ODF2: variants seen among roughly 807,000 people sequenced by gnomAD.
ODF2 encodes the protein outer dense fiber protein 2.
In ODF2, 47 loss-of-function variants were observed where a neutral mutation model predicts 110.2. The ratio of observed to expected loss-of-function variants is 0.43; its 90% CI spans 0.34 to 0.54. The LOEUF (loss-of-function observed/expected upper bound fraction) is 0.54, where lower values mean the gene tolerates loss of function less well. Ranked by LOEUF, ODF2 falls within the 20% of genes least tolerant of loss-of-function variation. The pLI is 0.03. For synonymous variants in ODF2, 352 were observed against 397.7 expected, an observed-to-expected ratio of 0.89 and a Z score of 1.37; for missense variants, 812 against 1,054.5, an observed-to-expected ratio of 0.77 and a Z score of 3.19.
At chr9:128,458,327 G>A (rs778163478) in intron 2 of ODF2, among the ~76,000 whole-genome samples, 3 of 152,120 alleles carry the variant, frequency 2.0e-5, no homozygotes, top group Non-Finnish European at 2.9e-5. Flanking sequence ...GGTGGCACAC[G>A]CCTGTAATCC....
chr9:128,481,630 G>A (rs150687097), exon 9 of ODF2: 58 of 1,613,804 alleles, frequency 3.6e-5, no homozygotes, highest in African/African-American at 5.3e-5. Flanking sequence ...AACGGCTGGC[G>A]GAGGCCGACT....
intron 2 of ODF2, among the ~76,000 whole-genome samples, chr9:128,458,197 A>G (rs1437193605): frequency 6.6e-6 from 1 of 152,068 alleles, no homozygotes; most frequent in Non-Finnish European, 1.5e-5. Flanking sequence ...ATGCCTGTGC[A>G]ATCCTAGCAC....
upstream of ODF2, chr9:128,455,473 G>C (rs1308348160): frequency 7.8e-6 from 2 of 258,038 alleles, no homozygotes; most frequent in Non-Finnish European, 1.5e-5. Flanking sequence ...AGAATGGCGT[G>C]AACCCGGGAG....
At chr9:128,484,910 T>C (rs754764137) in intron 12 of ODF2, 24 bp downstream of exon 12, 7 of 1,606,202 alleles carry the variant, frequency 4.4e-6, no homozygotes, top group South Asian at 3.3e-5. Flanking sequence ...GGTGCCCAGC[T>C]CCTCACCTGC....
chr9:128,457,426 C>A (rs752576319), exon 2 of ODF2: 1 of 1,611,816 alleles, frequency 6.2e-7, no homozygotes. Context: ...CATCCTCAGG[C>A]GGCTCCCCCA....
At chr9:128,493,487 A>G in intron 16 of ODF2, among the ~76,000 whole-genome samples, 1 of 152,348 alleles carries the variant, frequency 6.6e-6, no homozygotes, top group African/African-American at 2.4e-5. Flanking sequence ...ATTTCATTCT[A>G]TATGGTGTCC....
At chr9:128,482,575 G>A (rs1245246238) in intron 9 of ODF2, among the ~76,000 whole-genome samples, 2 of 152,080 alleles carry the variant, frequency 1.3e-5, no homozygotes, top group African/African-American at 2.4e-5. Flanking sequence ...TTTTTGGTGT[G>A]TTCTCAATGT....
At chr9:128,456,074 G>A (rs553711628), upstream of ODF2, 7 of 1,523,884 alleles carry the variant, frequency 4.6e-6, no homozygotes, top group African/African-American at 1.4e-5. Flanking sequence ...CGGCTCCCGG[G>A]GGGGTTTGAA....
chr9:128,480,728 A>G (rs1338884507), intron 8 of ODF2, among the ~76,000 whole-genome samples: 1 of 152,160 alleles, frequency 6.6e-6, no homozygotes, highest in Non-Finnish European at 1.5e-5. Context: ...GAGGCAGGAG[A>G]ATCGCTTGAA....
chr9:128,471,030 C>A (rs937726956), intron 5 of ODF2, among the ~76,000 whole-genome samples: 1 of 151,992 alleles, frequency 6.6e-6, no homozygotes, highest in Non-Finnish European at 1.5e-5. Flanking sequence ...TCTCTTGCTT[C>A]AGCTTCCAGA....
chr9:128,495,382 T>C (rs1367035791), intron 17 of ODF2, among the ~76,000 whole-genome samples: 1 of 152,228 alleles, frequency 6.6e-6, no homozygotes, highest in Non-Finnish European at 1.5e-5. Context: ...AGAGGAGAAG[T>C]AATTCCCCAC....
chr9:128,457,927 CTA>C (rs374567802), intron 2 of ODF2, among the ~76,000 whole-genome samples: 2,688 of 137,546 alleles, frequency 0.02, 70 homozygotes, highest in African/African-American at 0.06. Context: ...CAGTAGAGGT[CTA>C]TATATATATA....
chr9:128,495,740 C>T (rs1035955439), intron 17 of ODF2, among the ~76,000 whole-genome samples: 1 of 152,210 alleles, frequency 6.6e-6, no homozygotes, highest in African/African-American at 2.4e-5. Flanking sequence ...TTTCTGCCTT[C>T]TCATGTCTGT....
At position 128,483,084 on chromosome 9, in the gene ODF2, C is replaced by T. The variant is rs550303477; in HGVS notation, c.987+197C>T. Among the ~76,000 whole-genome samples the T allele has an allele frequency of 3.9e-5, 6 of 152,060 alleles. No homozygotes were observed. In the East Asian group the frequency reaches 5.8e-4, roughly 15 times the overall value. On this transcript the variant is annotated intron_variant, in intron 10 of 20. Coordinates refer to ENST00000604420, the Ensembl canonical transcript of ODF2. ...CTAATTTTTGTATTTTTAGTAGAGA[C>T]GGGGTTTCACCATGTTGGCCAGGAT...
rs561709881 is a variant in ODF2 at position 128,456,177 on chromosome 9, G to T, written c.-287G>T. 6.6e-4 allele frequency: 1,016 copies of T among 1,549,338 alleles called. 15 individuals are homozygous for T. In the South Asian group the frequency reaches 0.011, roughly 16 times the overall value. Reference sequence around the variant, plus strand: ...AGAGCCAGACTGCATCCGCCGCGGCGTCTCCATGGCACGACCCTGGCCTCC... The same window carrying T: ...AGAGCCAGACTGCATCCGCCGCGGCTTCTCCATGGCACGACCCTGGCCTCC... On this transcript the variant is annotated 5_prime_UTR_variant, in exon 1 of 21. Transcript: ENST00000604420.
rs114425802 is a variant in ODF2 at position 128,460,831 on chromosome 9, G to T, written c.124-111G>T. On this transcript the variant is annotated intron_variant, in intron 3 of 20. Coordinates refer to ENST00000604420, the Ensembl canonical transcript of ODF2. ...GCAGGCCTGTCATCCAGGAGCAACAGCAGTAACATTAGTCAGAAGAGGCAC... is the reference window on the plus strand; with the variant it reads ...GCAGGCCTGTCATCCAGGAGCAACATCAGTAACATTAGTCAGAAGAGGCAC... The T allele has an allele frequency of 5.4e-5, 82 of 1,527,986 alleles. No homozygotes were observed. The African/African-American group carries it at 1.1e-3, about 20-fold the overall frequency. 94.7% of individuals were successfully genotyped at this position (1,527,986 alleles called of 1,614,324 possible). A position where few individuals can be genotyped will look rare whatever the true frequency, so the allele number is the denominator to read the frequency against.
chr9:128,499,805 T>C (rs1846257262), intron 20 of ODF2, among the ~76,000 whole-genome samples: 2 of 152,156 alleles, frequency 1.3e-5, no homozygotes, highest in South Asian at 4.1e-4. Context: ...AGATAGAGTC[T>C]CACTATGTTG....
At position 128,470,024 on chromosome 9, in the gene ODF2, T is replaced by A. The variant is rs1380260278; in HGVS notation, c.420+671T>A. Among the ~76,000 whole-genome samples the A allele has an allele frequency of 2.4e-3, 102 of 42,248 alleles. 1 individual carries two copies. Among genetic ancestry groups the A allele is most frequent in the Non-Finnish European group, 3.5e-3 (83 of 23,510 alleles). The allele number at this position is 42,248 out of a possible 152,430, so 27.7% of individuals were successfully genotyped here. A position where few individuals can be genotyped will look rare whatever the true frequency, so the allele number is the denominator to read the frequency against. On this transcript the variant is annotated intron_variant, in intron 5 of 20. Coordinates refer to ENST00000604420, the Ensembl canonical transcript of ODF2. ...AAAAAAAAAAAAAAAAAAAAATATATATATATATATATATATATATATAAA... is the reference window on the plus strand; with the variant it reads ...AAAAAAAAAAAAAAAAAAAAATATAAATATATATATATATATATATATAAA...
At chr9:128,484,826 G>A in exon 12 of ODF2, 1 of 1,614,076 alleles carries the variant, frequency 6.2e-7, no homozygotes, top group Non-Finnish European at 8.5e-7. Flanking sequence ...GAGCCCAGAA[G>A]GAGCGAGCCG....
Sources: gnomAD v4.1 joint callset for allele counts (sites outside exome capture counted in the v4.1 genomes callset) on GRCh38, gnomAD v4.1.1 for gene constraint, MANE v1.5 for transcripts, NCBI Gene and HGNC (gene_info 2026-07-23, HGNC 2026-07-21) for gene names.